The following AKAP13 variants were observed in gnomAD, a reference collection of about 807,000 sequenced individuals.
The protein encoded by AKAP13 is A-kinase anchoring protein 13, also known as A-kinase anchor protein 13.
AKAP13 carries 80 observed loss-of-function variants against 264.5 expected under a neutral mutation model. The ratio of observed to expected loss-of-function variants is 0.30; its 90% CI spans 0.25 to 0.36. AKAP13 has a LOEUF of 0.36. AKAP13 is among the 10% of genes least tolerant of loss of function. The probability of loss-of-function intolerance (pLI) is 1.00; values close to 1 mark genes in which losing one functional copy is unlikely to be tolerated. For missense variants in AKAP13, 3,712 were observed against 3,435.2 expected, an observed-to-expected ratio of 1.08 and a Z score of -2.01; for synonymous variants, 1,380 against 1,250.2, an observed-to-expected ratio of 1.10 and a Z score of -2.19.
At chr15:85,673,666 CTTTTTTTTTT>C (rs386383664) in intron 14 of AKAP13, among the ~76,000 whole-genome samples, 6 of 77,558 alleles carry the variant, frequency 7.7e-5, no homozygotes, top group African/African-American at 1.1e-4. Context: ...TTCTTTCTTT[CTTTTTTTTTT>C]TTTTTTTTTT....
intron 10 of AKAP13, among the ~76,000 whole-genome samples, chr15:85,650,037 AAG>A (rs1309671106): frequency 6.6e-6 from 1 of 152,230 alleles, no homozygotes; most frequent in Non-Finnish European, 1.5e-5. Context: ...ACAAAACCTA[AAG>A]GGAACATCCT....
intron 1 of AKAP13, among the ~76,000 whole-genome samples, chr15:85,479,282 A>G (rs750975145): frequency 1.3e-5 from 2 of 152,192 alleles, no homozygotes; most frequent in Non-Finnish European, 2.9e-5. Flanking sequence ...GTTGAAGGAA[A>G]GAGTTTTTGG....
At position 85,649,104 on chromosome 15, in the gene AKAP13, C is replaced by T. The variant is rs930679291; in HGVS notation, c.4374+3150C>T. 2.0e-5 allele frequency among the ~76,000 whole-genome samples: 3 copies of T among 152,296 alleles called. No individual in the cohort carries two copies. The South Asian group carries it at 6.2e-4, about 32-fold the overall frequency. On this transcript the variant is annotated intron_variant, in intron 10 of 36. Coordinates refer to ENST00000394518, the MANE Select transcript of AKAP13 (RefSeq NM_007200.5). ...GAGAGAGACTAATATTGACAGGATA[C>T]TTACTGTACAGTAGGTACTGAACTA...
At chr15:85,420,221 G>A (rs1432992828) in intron 1 of AKAP13, among the ~76,000 whole-genome samples, 2 of 151,730 alleles carry the variant, frequency 1.3e-5, no homozygotes, top group Admixed American at 6.6e-5. Context: ...GATTACAGGC[G>A]TGAGCCACCG....
chr15:85,652,656 G>T (rs1168647270), intron 10 of AKAP13, among the ~76,000 whole-genome samples: 1 of 152,138 alleles, frequency 6.6e-6, no homozygotes, highest in Non-Finnish European at 1.5e-5. Context: ...AACTTACTTG[G>T]TCCCAGTTCT....
chr15:85,481,765 G>A (rs2075359606), intron 1 of AKAP13, among the ~76,000 whole-genome samples: 1 of 152,192 alleles, frequency 6.6e-6, no homozygotes, highest in Admixed American at 6.5e-5. Context: ...TAGGCAACCT[G>A]TAGGGTTCCA....
intron 1 of AKAP13, among the ~76,000 whole-genome samples, chr15:85,405,478 C>T (rs13379803): frequency 0.26 from 40,252 of 152,082 alleles, 7,477 homozygotes; most frequent in African/African-American, 0.51. Context: ...AAATTGGAGA[C>T]AAAATTCTGG....
intron 1 of AKAP13, among the ~76,000 whole-genome samples, chr15:85,463,241 G>T (rs1009323515): frequency 3.9e-5 from 6 of 152,134 alleles, no homozygotes; most frequent in African/African-American, 1.4e-4. Flanking sequence ...GTTCTAAAAA[G>T]AAGGGAGCAT....
At chr15:85,533,082 C>T (rs1649225685) in intron 3 of AKAP13, among the ~76,000 whole-genome samples, 1 of 152,180 alleles carries the variant, frequency 6.6e-6, no homozygotes, top group Non-Finnish European at 1.5e-5. Flanking sequence ...CCAAGTGCTT[C>T]ATCATGTGAG....
At chr15:85,590,118 C>T (rs1303268103) in intron 8 of AKAP13, among the ~76,000 whole-genome samples, 1 of 152,156 alleles carries the variant, frequency 6.6e-6, no homozygotes, top group Admixed American at 6.5e-5. Flanking sequence ...ATGTGTGTGC[C>T]TTGGGAATAG....
At chr15:85,735,721 G>A (rs1233829918) in intron 32 of AKAP13, 91 bp downstream of exon 32, 20 of 1,271,996 alleles carry the variant, frequency 1.6e-5, no homozygotes, top group Middle Eastern at 1.9e-4. Context: ...TGTTGTTTTC[G>A]ATGCCTGAAT....
intron 2 of AKAP13, among the ~76,000 whole-genome samples, chr15:85,501,753 C>T (rs2076043057): frequency 1.3e-5 from 2 of 152,192 alleles, no homozygotes. Flanking sequence ...AGAATTCAAA[C>T]CAGACCTTTC....
chr15:85,525,564 T>C (rs1190870169), intron 3 of AKAP13, among the ~76,000 whole-genome samples: 2 of 152,222 alleles, frequency 1.3e-5, no homozygotes, highest in Non-Finnish European at 2.9e-5. Flanking sequence ...AAGAATATAA[T>C]TTGCCTTGAA....
In AKAP13 at chr15:85,613,999, T is replaced by G. The variant is rs118077618; in HGVS notation, c.4162-25375T>G. Among the ~76,000 whole-genome samples the G allele has an allele frequency of 2.1e-3, 326 of 152,264 alleles. 1 individual carries two copies. Among genetic ancestry groups the G allele is most frequent in the Non-Finnish European group, 3.9e-3 (266 of 68,010 alleles). Reference sequence around the variant, plus strand: ...TTATAGTTTAAAGGAGACCTGATACTGTAAGTCACACTGAAAGAAAATATA... The same window carrying G: ...TTATAGTTTAAAGGAGACCTGATACGGTAAGTCACACTGAAAGAAAATATA... On this transcript the variant is annotated intron_variant, in intron 8 of 36. Coordinates refer to ENST00000394518, the MANE Select transcript of AKAP13 (RefSeq NM_007200.5).
chr15:85,719,355 A>C (rs1398316258), intron 23 of AKAP13, 29 bp downstream of exon 23: 19 of 1,609,748 alleles, frequency 1.2e-5, no homozygotes, highest in Non-Finnish European at 1.5e-5. Context: ...TCAGGTTCTT[A>C]CATACACTGG....
In AKAP13 at chr15:85,645,787, T is replaced by TTC. The variant is rs752220722; in HGVS notation, c.4238-31_4238-30insTC. The TTC allele has an allele frequency of 5.8e-6, 9 of 1,546,148 alleles. No homozygotes were observed. In the South Asian group the frequency reaches 6.1e-5, roughly 10 times the overall value. ...TTTTGGTTTTTTTGTTTTTTTTTTT[T>TTC]CAATATTGGTGAATAAATTCTCTTT... On this transcript the variant is annotated intron_variant, in intron 9 of 36. Transcript: ENST00000394518.
At chr15:85,455,304 C>A (rs765715869) in intron 1 of AKAP13, among the ~76,000 whole-genome samples, 1 of 152,014 alleles carries the variant, frequency 6.6e-6, no homozygotes, top group African/African-American at 2.4e-5. Flanking sequence ...GTTGCCTGTA[C>A]AAAATCTCGT....
intron 8 of AKAP13, chr15:85,619,984 C>T: frequency 6.0e-6 from 9 of 1,488,124 alleles, no homozygotes; most frequent in Non-Finnish European, 8.0e-6. Flanking sequence ...GCAGAGATCT[C>T]CACCACCTAA....
chr15:85,682,697 C>T (rs1028516427), intron 15 of AKAP13, among the ~76,000 whole-genome samples: 7 of 151,830 alleles, frequency 4.6e-5, no homozygotes, highest in South Asian at 2.1e-4. Context: ...GACAGAGTTT[C>T]GCTCTTGTTG....
Sources: allele counts gnomAD v4.1 joint callset (sites outside exome capture counted in the v4.1 genomes callset), GRCh38; gene constraint gnomAD v4.1.1; transcripts MANE v1.5; gene names NCBI Gene and HGNC (gene_info 2026-07-23, HGNC 2026-07-21).